CELSR3: variants seen among roughly 807,000 people sequenced by gnomAD.
The protein encoded by CELSR3 is cadherin EGF LAG seven-pass G-type receptor 3, also known as EGF-like protein 1.
A neutral mutation model predicts 270.0 loss-of-function variants in CELSR3; 73 were observed. That is an observed-to-expected ratio of 0.27 (90% CI 0.22 to 0.33). The LOEUF is 0.33. CELSR3 is among the 10% of genes least tolerant of loss of function. The probability of loss-of-function intolerance (pLI) is 1.00; values close to 1 mark genes in which losing one functional copy is unlikely to be tolerated. For synonymous variants in CELSR3, 1,780 were observed against 1,905.4 expected, an observed-to-expected ratio of 0.93 and a Z score of 1.71; for missense variants, 3,614 against 4,533.8, an observed-to-expected ratio of 0.80 and a Z score of 5.83.
Position 48,646,789 on chromosome 3 carries a change from C to G in CELSR3, c.7269G>C (p.Gln2423His). ...TGGCACCTCGGCGTTCTGCCTGGAA[C>G]TGGGCAGGGAGCAGTCCCCCTAAGG... is the stretch of plus-strand genomic sequence containing the variant. ...YRTLGGLLPA[Q>H]FQAERRGARL... The change falls in exon 21 of 35, where the codon CAG becomes CAC. Residue 2423 changes from glutamine (Q) to histidine (H), a missense_variant. By Grantham distance (24) the Gln-to-His change is conservative. This residue lies in a region of CELSR3 where 1,240 missense variants were observed against 1,351.7 expected (regional missense o/e 0.92). Coordinates refer to ENST00000164024, the MANE Select transcript of CELSR3 (RefSeq NM_001407.3). This position sits in a 1 kb window ranked among gnomAD's most constrained non-coding sequence, Gnocchi z 4.8. 1.9e-6 allele frequency: 3 copies of G among 1,610,496 alleles called. No homozygotes were observed. In the South Asian group the frequency reaches 3.3e-5, roughly 18 times the overall value.
At position 48,650,863 on chromosome 3, in the gene CELSR3, ATGGGTGGAGC is replaced by A. The variant is rs1377613317; in HGVS notation, c.6370+19_6370+28del. 6 of 1,601,724 alleles carry A rather than the reference ATGGGTGGAGC, an allele frequency of 3.7e-6. No individual in the cohort carries two copies. The highest frequency in any genetic ancestry group is 3.4e-6 in the Non-Finnish European group (4 of 1,175,114). On this transcript the variant is annotated intron_variant, in intron 15 of 34. Coordinates refer to ENST00000164024, the MANE Select transcript of CELSR3 (RefSeq NM_001407.3). This position sits in a 1 kb window ranked among gnomAD's most constrained non-coding sequence, Gnocchi z 5.1. Reference sequence around the variant, plus strand: ...GGTGGCACACTGGAACCAGCCCTCTATGGGTGGAGCTGGGTGGAGCCTGCTCACCCCGGCA... The same window carrying A: ...GGTGGCACACTGGAACCAGCCCTCTATGGGTGGAGCCTGCTCACCCCGGCA...
chr3:48,651,631 T>A lies in CELSR3; in HGVS notation c.6011A>T (p.His2004Leu). Residue 2004 changes from histidine to leucine, a missense_variant, in exon 13 of 35, where the codon CAT (histidine) becomes CTT (leucine). Coordinates refer to ENST00000164024, the MANE Select transcript of CELSR3 (RefSeq NM_001407.3). This position sits in a 1 kb window ranked among gnomAD's most constrained non-coding sequence, Gnocchi z 7.4. ...ACCCACACAGTCACAGGTATAGCCA[T>A]GGGGGGCTCCTGGCAGGTGCCGGCA... ...GSCRHLPGAP[H>L]GYTCDCVGGY... The A allele has an allele frequency of 6.3e-7, 1 of 1,591,836 alleles. No individual in the cohort carries two copies. The highest frequency in any genetic ancestry group is 8.6e-7 in the Non-Finnish European group (1 of 1,168,722).
In CELSR3 at chr3:48,645,458, G is replaced by A; in HGVS notation, c.7782C>T (p.His2594=). Residue 2594 remains histidine, a synonymous_variant, in exon 24 of 35, where the codon CAC becomes CAT. Transcript: ENST00000164024. This position sits in a 1 kb window ranked among gnomAD's most constrained non-coding sequence, Gnocchi z 5.4. ...VAELLFLLGI[H]RTHNQLVCTA... is the part of the protein sequence containing the mutation. ...GATCCTGCACCTGATTGTGGGTCCT[G>A]TGAATCCCCAGCAGGAAGAGGAGCT... 6.2e-7 allele frequency: 1 copy of A among 1,612,890 alleles called. No homozygotes were observed. Among genetic ancestry groups the A allele is most frequent in the Middle Eastern group, 1.6e-4 (1 of 6,062 alleles).
At chr3:48,648,243 G>A (rs758830360) in intron 19 of CELSR3, 23 bp downstream of exon 19, 10 of 535,274 alleles carry the variant, frequency 1.9e-5, no homozygotes, top group Admixed American at 1.9e-4. Context: ...GCTGTGCCCC[G>A]CCCTACCCCA....
In CELSR3 at chr3:48,645,595, C is replaced by T. The variant is rs2047074200; in HGVS notation, c.7645G>A (p.Val2549Met). The T allele has an allele frequency of 6.2e-7, 1 of 1,612,320 alleles. No homozygotes were observed. Among genetic ancestry groups the T allele is most frequent in the African/African-American group, 1.3e-5 (1 of 74,920 alleles). Residue 2549 changes from valine (V) to methionine (M), a missense_variant, in exon 24 of 35, where the codon GTG (valine) becomes ATG (methionine). Around this residue, in one of 7 missense-constraint regions of CELSR3, gnomAD observed 1,240 missense variants for 1,351.7 expected, o/e 0.92. Coordinates refer to ENST00000164024, the MANE Select transcript of CELSR3 (RefSeq NM_001407.3). This position sits in a 1 kb window ranked among gnomAD's most constrained non-coding sequence, Gnocchi z 5.4. ...GTCAGCACCAGCGCAGCCACAGACA[C>T]AGCCACGACCACGTGGGTGAACACA... The part of the protein sequence containing the change: ...LAVFTHVVVA[V>M]SVAALVLTAA...
Position 48,640,476 on chromosome 3 carries a change from A to C in CELSR3, c.9109T>G (p.Leu3037Val). 1 of 1,612,260 alleles carries C rather than the reference A, an allele frequency of 6.2e-7. No homozygotes were observed. The highest frequency in any genetic ancestry group is 1.1e-5 in the South Asian group (1 of 91,044). ...PELSWCRAAT[L>V]GHRAVPAASY... ...GCAGCTGGCACAGCACGGTGGCCCA[A>C]GGTGGCTGCACGGCACCAGGACAGC... The change falls in exon 34 of 35, where the codon TTG becomes GTG. Residue 3037 changes from leucine to valine, a missense_variant. This residue lies in a region of CELSR3 where 1,240 missense variants were observed against 1,351.7 expected (regional missense o/e 0.92). Coordinates refer to ENST00000164024, the MANE Select transcript of CELSR3 (RefSeq NM_001407.3). The surrounding 1 kb of genome is among the most constrained non-coding windows in gnomAD (Gnocchi z 7.5).
rs2077034822 is a variant in CELSR3 at position 48,657,845 on chromosome 3, TCTC to T, written c.3749-500_3749-498del. On this transcript the variant is annotated intron_variant, in intron 1 of 34. Transcript: ENST00000164024. The surrounding 1 kb of genome is among the most constrained non-coding windows in gnomAD (Gnocchi z 5.4). ...AGGGTTCCAGATCAGGGATCACCTA[TCTC>T]CTATTTTTGGTCAGCAAATTGCTCT... Among the ~76,000 whole-genome samples the T allele has an allele frequency of 6.6e-6, 1 of 152,242 alleles. No homozygotes were observed. The highest frequency in any genetic ancestry group is 2.4e-5 in the African/African-American group (1 of 41,534).
In CELSR3 at chr3:48,637,064, A is replaced by T. The variant is rs1039758088; in HGVS notation, c.*1141T>A. 4 of 152,570 alleles carry T rather than the reference A, an allele frequency of 2.6e-5. No individual in the cohort carries two copies. Among genetic ancestry groups the T allele is most frequent in the African/African-American group, 9.6e-5 (4 of 41,456 alleles). The allele number at this position is 152,570 out of a possible 1,614,324, so 9.5% of individuals were successfully genotyped here. A position where few individuals can be genotyped will look rare whatever the true frequency, so the allele number is the denominator to read the frequency against. ...GTTTTGAGTTGTAAACAAAGTAAAAACATTTTTTGAATCTGGACTTGTAAA... is the reference window on the plus strand; with the variant it reads ...GTTTTGAGTTGTAAACAAAGTAAAATCATTTTTTGAATCTGGACTTGTAAA... On this transcript the variant is annotated 3_prime_UTR_variant, in exon 35 of 35. Coordinates refer to ENST00000164024, the MANE Select transcript of CELSR3 (RefSeq NM_001407.3).
In CELSR3 at chr3:48,655,999, C is replaced by T; in HGVS notation, c.4625+141G>A. The T allele has an allele frequency of 8.9e-7, 1 of 1,129,804 alleles. No individual in the cohort carries two copies. Among genetic ancestry groups the T allele is most frequent in the Non-Finnish European group, 1.3e-6 (1 of 784,630 alleles). 70.0% of individuals were successfully genotyped at this position (1,129,804 alleles called of 1,614,324 possible). On this transcript the variant is annotated intron_variant, in intron 3 of 34. Transcript: ENST00000164024. This position sits in a 1 kb window ranked among gnomAD's most constrained non-coding sequence, Gnocchi z 5.8. ...ACCGACCGGGGGGACGCGGGTGCAG[C>T]GAGGTCAGGAGACCCCGGGCGGGGC...
In CELSR3 at chr3:48,654,716, G is replaced by A. The variant is rs1335260403; in HGVS notation, c.4989-264C>T. Among the ~76,000 whole-genome samples, 1 of 152,072 alleles carries A rather than the reference G, an allele frequency of 6.6e-6. No individual in the cohort carries two copies. Among genetic ancestry groups the A allele is most frequent in the Non-Finnish European group, 1.5e-5 (1 of 68,002 alleles). On this transcript the variant is annotated intron_variant, in intron 6 of 34. Transcript: ENST00000164024. This position sits in a 1 kb window ranked among gnomAD's most constrained non-coding sequence, Gnocchi z 5.4. ...ATGAGGCATCTGGCTGGCTGGGGAG[G>A]GGATGGAGACGTGAAGACTCTGGGG...
chr3:48,648,356 C>T lies in CELSR3; in HGVS notation c.6883G>A (p.Val2295Met). ...GCTGCATACTCCTCCAGGTGCCTCA[C>T]CAGTCCCGCGCTGCCTGGGGAGCCC... ...PGGSPGSAGL[V>M]RHLEEYAATL... Residue 2295 changes from valine to methionine, a missense_variant, in exon 19 of 35, where the codon GTG becomes ATG. Val to Met is a conservative substitution (Grantham distance 21, BLOSUM62 1). Coordinates refer to ENST00000164024, the MANE Select transcript of CELSR3 (RefSeq NM_001407.3). The T allele has an allele frequency of 6.2e-7, 1 of 1,612,390 alleles. No individual in the cohort carries two copies. The highest frequency in any genetic ancestry group is 2.2e-5 in the East Asian group (1 of 44,868).
Position 48,660,167 on chromosome 3 carries a change from T to G in CELSR3, c.2468A>C (p.Gln823Pro), listed in dbSNP as rs1486358408. Residue 823 changes from glutamine to proline, a missense_variant, in exon 1 of 35, where the codon CAG (glutamine) becomes CCG (proline). Physicochemically the swap from Gln to Pro is moderately conservative, Grantham distance 76. Transcript: ENST00000164024. The surrounding 1 kb of genome is among the most constrained non-coding windows in gnomAD (Gnocchi z 5.5). The stretch of plus-strand genomic sequence containing the variant: ...TAGTACCAGCTTGAAGTAGCGTTCC[T>G]GCTTGTAGTCCAGTGGCAGAGCCAG... ...VTLALPLDYKQERYFKLVLTA... is the reference protein window; with the variant it reads ...VTLALPLDYKPERYFKLVLTA... The G allele has an allele frequency of 2.5e-6, 4 of 1,614,136 alleles. No homozygotes were observed. In the South Asian group the frequency reaches 4.4e-5, roughly 18 times the overall value.
chr3:48,651,315 G>T lies in CELSR3; in HGVS notation c.6186+44C>A, dbSNP rs1489856816. 1.9e-6 allele frequency: 3 copies of T among 1,609,150 alleles called. No homozygotes were observed. In the African/African-American group the frequency reaches 4.0e-5, roughly 21 times the overall value. On this transcript the variant is annotated intron_variant, in intron 14 of 34. Transcript: ENST00000164024. The surrounding 1 kb of genome is among the most constrained non-coding windows in gnomAD (Gnocchi z 7.4). ...GTCAGCAAGCTGGACAGGAATTGCA[G>T]ATTGCGTCCAAGGAAGGGTTAAAAG...
Position 48,646,371 on chromosome 3 carries a change from C to T in CELSR3, c.7296-114G>A. On this transcript the variant is annotated intron_variant, in intron 21 of 34. Coordinates refer to ENST00000164024, the MANE Select transcript of CELSR3 (RefSeq NM_001407.3). The surrounding 1 kb of genome is among the most constrained non-coding windows in gnomAD (Gnocchi z 4.8). ...GGCTGACCCAGGGTCTGGGATGTCC[C>T]CAGAGTGGAAGCTGTTTCTAAGAAT... The T allele has an allele frequency of 8.7e-7, 1 of 1,152,104 alleles. No individual in the cohort carries two copies. The highest frequency in any genetic ancestry group is 1.2e-6 in the Non-Finnish European group (1 of 830,026). 71.4% of individuals were successfully genotyped at this position (1,152,104 alleles called of 1,614,324 possible).
Position 48,641,929 on chromosome 3 carries a change from T to C in CELSR3, c.8746A>G (p.Asn2916Asp). The change falls in exon 32 of 35, where the codon AAT becomes GAT. Residue 2916 changes from asparagine (N) to aspartate (D), a missense_variant. By Grantham distance (23) the Asn-to-Asp change is conservative (BLOSUM62 1). Coordinates refer to ENST00000164024, the MANE Select transcript of CELSR3 (RefSeq NM_001407.3). This position sits in a 1 kb window ranked among gnomAD's most constrained non-coding sequence, Gnocchi z 4.8. ...LSIPSSESED[N>D]GRTRGRFQRP... ...TGGAAGCGCCCCCGCGTCCGGCCATTGTCCTCGCTTTCTGAAGATGGAATG... is the reference window on the plus strand; with the variant it reads ...TGGAAGCGCCCCCGCGTCCGGCCATCGTCCTCGCTTTCTGAAGATGGAATG... 6.2e-7 allele frequency: 1 copy of C among 1,602,390 alleles called. No individual in the cohort carries two copies. The highest frequency in any genetic ancestry group is 1.3e-5 in the African/African-American group (1 of 74,598).
chr3:48,646,351 A>C lies in CELSR3; in HGVS notation c.7296-94T>G. 1 of 1,358,094 alleles carries C rather than the reference A, an allele frequency of 7.4e-7. No individual in the cohort carries two copies. Among genetic ancestry groups the C allele is most frequent in the Non-Finnish European group, 1.0e-6 (1 of 1,003,654 alleles). The allele number at this position is 1,358,094 out of a possible 1,614,324, so 84.1% of individuals were successfully genotyped here. ...GTCTTCATGCCACTCGCCAGGGCTGACCCAGGGTCTGGGATGTCCCCAGAG... is the reference window on the plus strand; with the variant it reads ...GTCTTCATGCCACTCGCCAGGGCTGCCCCAGGGTCTGGGATGTCCCCAGAG... On this transcript the variant is annotated intron_variant, in intron 21 of 34. Coordinates refer to ENST00000164024, the MANE Select transcript of CELSR3 (RefSeq NM_001407.3). This position sits in a 1 kb window ranked among gnomAD's most constrained non-coding sequence, Gnocchi z 4.8.
At position 48,658,799 on chromosome 3, in the gene CELSR3, T is replaced by A; in HGVS notation, c.3748+88A>T. 6.7e-7 allele frequency: 1 copy of A among 1,501,832 alleles called. No homozygotes were observed. Among genetic ancestry groups the A allele is most frequent in the Non-Finnish European group, 9.0e-7 (1 of 1,105,260 alleles). 93.0% of individuals were successfully genotyped at this position (1,501,832 alleles called of 1,614,324 possible). ...AAGGGGTTCTTGGAAGGCTTAGAAA[T>A]CCCTCTTTGGTTTGAGGTGCCCTGT... On this transcript the variant is annotated intron_variant, in intron 1 of 34. Transcript: ENST00000164024. This position sits in a 1 kb window ranked among gnomAD's most constrained non-coding sequence, Gnocchi z 4.7.
rs1372322198 is a variant in CELSR3 at position 48,650,613 on chromosome 3, T to G, written c.6371-32A>C. The G allele has an allele frequency of 6.4e-7, 1 of 1,566,406 alleles. No homozygotes were observed. Among genetic ancestry groups the G allele is most frequent in the South Asian group, 1.2e-5 (1 of 86,424 alleles). On this transcript the variant is annotated intron_variant, in intron 15 of 34. Coordinates refer to ENST00000164024, the MANE Select transcript of CELSR3 (RefSeq NM_001407.3). This position sits in a 1 kb window ranked among gnomAD's most constrained non-coding sequence, Gnocchi z 5.1. ...AGAGAAGAGGTGCTGAGCCAGGCAG[T>G]CAGGGTACAGGGCAGTTGACAGCCA... is the stretch of plus-strand genomic sequence containing the variant.
In CELSR3 at chr3:48,644,814, G is replaced by A. The variant is rs755657497; in HGVS notation, c.7987C>T (p.Leu2663=). 2 of 1,613,158 alleles carry A rather than the reference G, an allele frequency of 1.2e-6. No homozygotes were observed. The highest frequency in any genetic ancestry group is 1.7e-6 in the Non-Finnish European group (2 of 1,179,860). The change falls in exon 26 of 35, where the codon CTG becomes TTG. Residue 2663 remains leucine, a synonymous_variant. Transcript: ENST00000164024. This position sits in a 1 kb window ranked among gnomAD's most constrained non-coding sequence, Gnocchi z 4.8. Reference sequence around the variant, plus strand: ...GGGTTCCCATAGCCCTCAGGGTCCAGGCCCACAGCAAGGCCTTGGGAAGAG... The same window carrying A: ...GGGTTCCCATAGCCCTCAGGGTCCAAGCCCACAGCAAGGCCTTGGGAAGAG... ...PAVLLGLAVG[L]DPEGYGNPDF... is the part of the protein sequence containing the mutation.
Sources: gnomAD v4.1 joint callset for allele counts (sites outside exome capture counted in the v4.1 genomes callset) on GRCh38, gnomAD v4.1.1 for gene constraint, gnomAD v4.1.1 regional missense constraint, Gnocchi (gnomAD v3.1) non-coding constraint, MANE v1.5 for transcripts, NCBI Gene and HGNC (gene_info 2026-07-23, HGNC 2026-07-21) for gene names.